Variants in SLC9A9 observed in about 807,000 individuals in gnomAD.
SLC9A9 encodes the protein solute carrier family 9 member A9, also known as sodium/hydrogen exchanger 9.
Under a neutral mutation model 77.8 loss-of-function variants are expected in SLC9A9, and 62 were observed. The observed-to-expected ratio is 0.80, with a 90% CI of 0.65 to 0.98. The LOEUF is 0.98. Ranked by LOEUF, SLC9A9 falls within the 50% of genes least tolerant of loss-of-function variation. SLC9A9 has a pLI of 0.00. For synonymous variants in SLC9A9, 320 were observed against 283.5 expected (o/e 1.13, Z -1.29); for missense variants, 775 against 774.9 (o/e 1.00, Z 0.00).
Position 143,438,044 on chromosome 3 carries a change from C to T in SLC9A9, c.1469+28993G>A, listed in dbSNP as rs1408096309. On this transcript the variant is annotated intron_variant, in intron 12 of 15. Transcript: ENST00000316549. ...TTCCTACCCTCTAGGGAAAATATGACACAAGCATAATGCAGATGCAGAAAG... is the reference window on the plus strand; with the variant it reads ...TTCCTACCCTCTAGGGAAAATATGATACAAGCATAATGCAGATGCAGAAAG... 2.0e-5 allele frequency among the ~76,000 whole-genome samples: 3 copies of T among 152,280 alleles called. 1 individual carries two copies. Among genetic ancestry groups the T allele is most frequent in the Non-Finnish European group, 1.5e-5 (1 of 68,024 alleles).
intron 9 of SLC9A9, among the ~76,000 whole-genome samples, chr3:143,531,670 G>T (rs970762686): frequency 6.6e-6 from 1 of 152,190 alleles, no homozygotes; most frequent in African/African-American, 2.4e-5. Context: ...CTAGGTAATT[G>T]TTATTTAACA....
At chr3:143,715,386 CT>C (rs150712993) in intron 4 of SLC9A9, among the ~76,000 whole-genome samples, 3,953 of 152,208 alleles carry the variant, frequency 0.026, 161 homozygotes, top group African/African-American at 0.089. Context: ...AACTGAACTA[CT>C]TCTTACATTT....
intron 6 of SLC9A9, among the ~76,000 whole-genome samples, chr3:143,596,907 C>T (rs1314511900): frequency 6.6e-6 from 1 of 152,196 alleles, no homozygotes; most frequent in Non-Finnish European, 1.5e-5. Flanking sequence ...AGCAGTCCTC[C>T]TGCCTTGGTC....
chr3:143,498,264 A>C lies in SLC9A9; in HGVS notation c.1090-2816T>G, dbSNP rs142837183. 7.6e-3 allele frequency among the ~76,000 whole-genome samples: 1,153 copies of C among 152,318 alleles called. 8 individuals are homozygous for C. Among genetic ancestry groups the C allele is most frequent in the South Asian group, 0.041 (197 of 4,822 alleles). ...CTCTTTTAAATTAATGTGGATCCAT[A>C]ATACATTATAATATTTCATAGTCTA... On this transcript the variant is annotated intron_variant, in intron 9 of 15. Transcript: ENST00000316549.
intron 5 of SLC9A9, among the ~76,000 whole-genome samples, chr3:143,674,090 A>T: frequency 6.6e-6 from 1 of 152,238 alleles, no homozygotes; most frequent in Non-Finnish European, 1.5e-5. Flanking sequence ...TAAAACACTT[A>T]GCAATTTACA....
intron 14 of SLC9A9, among the ~76,000 whole-genome samples, chr3:143,314,044 G>A (rs914547849): frequency 6.6e-6 from 1 of 152,174 alleles, no homozygotes; most frequent in Non-Finnish European, 1.5e-5. Flanking sequence ...CTCCCACTGT[G>A]CCTGTGCCCA....
intron 4 of SLC9A9, among the ~76,000 whole-genome samples, chr3:143,770,371 C>A (rs1274931457): frequency 1.3e-5 from 2 of 152,118 alleles, no homozygotes; most frequent in Non-Finnish European, 2.9e-5. Context: ...TAGAATATAA[C>A]TTTCACTAAT....
intron 11 of SLC9A9, among the ~76,000 whole-genome samples, chr3:143,473,794 A>G (rs1455678790): frequency 1.3e-5 from 2 of 152,224 alleles, no homozygotes; most frequent in Non-Finnish European, 2.9e-5. Flanking sequence ...CCAGAACACA[A>G]AACTCTGTAA....
chr3:143,493,326 T>C (rs2108590604), intron 11 of SLC9A9, among the ~76,000 whole-genome samples: 1 of 152,250 alleles, frequency 6.6e-6, no homozygotes, highest in South Asian at 2.1e-4. Flanking sequence ...GAGCATGCAA[T>C]TTATGAAATT....
chr3:143,509,787 T>G (rs936480351), intron 9 of SLC9A9, among the ~76,000 whole-genome samples: 151 of 152,274 alleles, frequency 9.9e-4, no homozygotes, highest in African/African-American at 3.4e-3. Context: ...TGCAAAAAAA[T>G]TATATACATA....
chr3:143,365,051 A>T (rs1238374731), intron 13 of SLC9A9, among the ~76,000 whole-genome samples: 2 of 152,258 alleles, frequency 1.3e-5, no homozygotes, highest in African/African-American at 4.8e-5. Flanking sequence ...GGTAGACAGG[A>T]TAAAGAAAAT....
At chr3:143,326,223 A>G (rs181564073) in intron 14 of SLC9A9, among the ~76,000 whole-genome samples, 218 of 152,180 alleles carry the variant, frequency 1.4e-3, no homozygotes, top group African/African-American at 5.2e-3. Context: ...TGCCTAATAC[A>G]ACAGCCTGCT....
At chr3:143,700,793 G>A (rs1933775139) in intron 4 of SLC9A9, among the ~76,000 whole-genome samples, 1 of 152,248 alleles carries the variant, frequency 6.6e-6, no homozygotes, top group Admixed American at 6.5e-5. Context: ...ACCTGCTGAT[G>A]GTGGAGCCCA....
At chr3:143,644,892 T>C (rs893920035) in intron 6 of SLC9A9, among the ~76,000 whole-genome samples, 13 of 152,206 alleles carry the variant, frequency 8.5e-5, no homozygotes, top group Admixed American at 2.0e-4. Flanking sequence ...TGTGTCAAGA[T>C]ATAAGAAACT....
At chr3:143,533,715 A>G (rs2036549503) in intron 9 of SLC9A9, among the ~76,000 whole-genome samples, 1 of 152,244 alleles carries the variant, frequency 6.6e-6, no homozygotes. Context: ...GAATTTAAAT[A>G]GGCCATTGTT....
At chr3:143,640,620 G>A (rs2038605376) in intron 6 of SLC9A9, among the ~76,000 whole-genome samples, 1 of 152,144 alleles carries the variant, frequency 6.6e-6, no homozygotes, top group Non-Finnish European at 1.5e-5. Context: ...CAGCACTTTG[G>A]GAGGCCAAGG....
intron 6 of SLC9A9, among the ~76,000 whole-genome samples, chr3:143,610,344 G>C (rs540027229): frequency 6.6e-6 from 1 of 151,898 alleles, no homozygotes; most frequent in African/African-American, 2.4e-5. Flanking sequence ...AAGGGGTTTC[G>C]CCATGTTGCC....
intron 9 of SLC9A9, among the ~76,000 whole-genome samples, chr3:143,496,011 C>T (rs780338777): frequency 4.6e-5 from 7 of 152,132 alleles, no homozygotes; most frequent in East Asian, 1.9e-4. Flanking sequence ...AAATCCCAGA[C>T]GATGAGACTC....
Position 143,386,836 on chromosome 3 carries a change from T to A in SLC9A9, c.1470-4722A>T, listed in dbSNP as rs528732979. The stretch of plus-strand genomic sequence containing the variant: ...CAAGTTTCCCAGGTTTTGATTTTTT[T>A]AAAATTTATTTCTTTTATTTTTGAG... On this transcript the variant is annotated intron_variant, in intron 12 of 15. Coordinates refer to ENST00000316549, the MANE Select transcript of SLC9A9 (RefSeq NM_173653.4). Among the ~76,000 whole-genome samples the A allele has an allele frequency of 1.2e-4, 18 of 152,308 alleles. No individual in the cohort carries two copies. In the East Asian group the frequency reaches 1.3e-3, roughly 11 times the overall value.
Sources: gnomAD v4.1 joint callset for allele counts (sites outside exome capture counted in the v4.1 genomes callset) on GRCh38, gnomAD v4.1.1 for gene constraint, MANE v1.5 for transcripts, NCBI Gene and HGNC (gene_info 2026-07-23, HGNC 2026-07-21) for gene names.